The following ZSWIM6 variants were observed in gnomAD, a reference collection of about 807,000 sequenced individuals.
ZSWIM6 encodes the protein zinc finger SWIM-type containing 6.
A neutral mutation model predicts 113.2 loss-of-function variants in ZSWIM6; 9 were observed. The ratio of observed to expected loss-of-function variants is 0.08; its 90% CI spans 0.05 to 0.14. ZSWIM6 has a LOEUF of 0.14. Ranked by LOEUF, ZSWIM6 falls within the 10% of genes least tolerant of loss-of-function variation. The probability of loss-of-function intolerance (pLI) is 1.00; values close to 1 mark genes in which losing one functional copy is unlikely to be tolerated. For missense variants in ZSWIM6, 1,162 were observed against 1,552.2 expected (o/e 0.75, Z 4.22); for synonymous variants, 611 against 606.5 (o/e 1.01, Z -0.11).
rs1744274423 is a variant in ZSWIM6, at chr5:61,332,485, C to T, written c.213C>T (p.Thr71=). The change falls in exon 1 of 14, where the codon ACC becomes ACT. Residue 71 remains threonine (T), a synonymous_variant. Coordinates refer to ENST00000252744, the MANE Select transcript of ZSWIM6 (RefSeq NM_020928.2). ...TGGGGTTGCTGCCGCCGGGCAAGAC[C>T]CAGAGCCCCGAGTCGCTGCTGGACA... ...AALGLLPPGK[T]QSPESLLDIA... 4.1e-6 allele frequency: 5 copies of T among 1,232,908 alleles called. No homozygotes were observed. Among genetic ancestry groups the T allele is most frequent in the South Asian group, 3.0e-5 (2 of 66,718 alleles). The allele number at this position is 1,232,908 out of a possible 1,614,324, so 76.4% of individuals were successfully genotyped here.
chr5:61,354,423 A>G (rs987838999), intron 1 of ZSWIM6, among the ~76,000 whole-genome samples: 14 of 152,210 alleles, frequency 9.2e-5, no homozygotes, highest in Non-Finnish European at 1.0e-4. Context: ...TGACCAAGTT[A>G]TAGGATGAAT....
At chr5:61,375,055 G>T in intron 1 of ZSWIM6, 2 of 1,488,812 alleles carry the variant, frequency 1.3e-6, no homozygotes, top group Non-Finnish European at 1.9e-6. Flanking sequence ...ATATTAAAGG[G>T]TAAGTCTCTC....
At chr5:61,484,884 GTGTGGC>G (rs1436973835) in intron 2 of ZSWIM6, among the ~76,000 whole-genome samples, 2 of 152,186 alleles carry the variant, frequency 1.3e-5, no homozygotes, top group African/African-American at 4.8e-5. Flanking sequence ...GGATTTAGCA[GTGTGGC>G]TGTGTACAAG....
chr5:61,368,411 C>T (rs1234483233), intron 1 of ZSWIM6, among the ~76,000 whole-genome samples: 1 of 152,088 alleles, frequency 6.6e-6, no homozygotes, highest in East Asian at 1.9e-4. Context: ...AGGACTACTG[C>T]CAAATGACTA....
intron 4 of ZSWIM6, among the ~76,000 whole-genome samples, chr5:61,510,900 C>G (rs1318752251): frequency 6.6e-6 from 1 of 152,010 alleles, no homozygotes; most frequent in African/African-American, 2.4e-5. Flanking sequence ...TGGGCCGAGT[C>G]CTTAAAGGGT....
At chr5:61,414,841 T>C (rs953964337) in intron 1 of ZSWIM6, among the ~76,000 whole-genome samples, 5 of 152,214 alleles carry the variant, frequency 3.3e-5, no homozygotes, top group African/African-American at 9.7e-5. Flanking sequence ...ACTTTTTAGG[T>C]TATTTTTCCT....
chr5:61,421,892 A>G (rs1232387874), intron 1 of ZSWIM6, among the ~76,000 whole-genome samples: 1 of 152,042 alleles, frequency 6.6e-6, no homozygotes, highest in East Asian at 1.9e-4. Context: ...AATGTTGCCC[A>G]TTTTTTAATC....
intron 1 of ZSWIM6, among the ~76,000 whole-genome samples, chr5:61,455,287 A>G (rs941659375): frequency 1.3e-5 from 2 of 152,122 alleles, no homozygotes; most frequent in African/African-American, 4.8e-5. Flanking sequence ...AAACTTGAAA[A>G]AGTCCATTCA....
chr5:61,511,778 G>T (rs770115245), intron 4 of ZSWIM6, among the ~76,000 whole-genome samples: 36 of 152,062 alleles, frequency 2.4e-4, no homozygotes, highest in Non-Finnish European at 5.0e-4. Flanking sequence ...TGTTATAGCA[G>T]CCTAAATAGA....
intron 1 of ZSWIM6, among the ~76,000 whole-genome samples, chr5:61,415,407 A>G (rs1746226869): frequency 2.6e-5 from 4 of 152,174 alleles, no homozygotes; most frequent in African/African-American, 9.7e-5. Context: ...ATCCTGGCCA[A>G]CATATTGAAA....
intron 1 of ZSWIM6, among the ~76,000 whole-genome samples, chr5:61,366,915 G>T (rs370478974): frequency 7.0e-6 from 1 of 142,148 alleles, no homozygotes; most frequent in African/African-American, 2.6e-5. Context: ...GTGACAGAGC[G>T]ATCTGCTGTC....
In ZSWIM6 at chr5:61,332,334, G is replaced by GCGC; in HGVS notation, c.64_65insCCG (p.Gly21_Gly22insAla). 9.4e-7 allele frequency: 1 copy of GCGC among 1,065,752 alleles called. No individual in the cohort carries two copies. Among genetic ancestry groups the GCGC allele is most frequent in the Non-Finnish European group, 1.2e-6 (1 of 866,108 alleles). 66.0% of individuals were successfully genotyped at this position (1,065,752 alleles called of 1,614,324 possible). On this transcript the variant is annotated inframe_insertion, in exon 1 of 14. Transcript: ENST00000252744. ...CGGCTTTGCTGCCGGCCGGGCGGCGGCGGCGGCGGCGGGGGCAGCAGCGGC... is the reference window on the plus strand; with the variant it reads ...CGGCTTTGCTGCCGGCCGGGCGGCGGCGCCGGCGGCGGCGGGGGCAGCAGCGGC...
chr5:61,402,928 A>G (rs1275079878), intron 1 of ZSWIM6, among the ~76,000 whole-genome samples: 2 of 152,246 alleles, frequency 1.3e-5, no homozygotes, highest in African/African-American at 4.8e-5. Flanking sequence ...CTAATTGCTA[A>G]TGATTTGCAC....
At chr5:61,376,044 T>C (rs1228588660) in intron 1 of ZSWIM6, among the ~76,000 whole-genome samples, 1 of 95,850 alleles carries the variant, frequency 1.0e-5, no homozygotes, top group East Asian at 2.7e-4. Context: ...TGCTTGAACA[T>C]CTATTTTTTT....
At position 61,512,159 on chromosome 5, in the gene ZSWIM6, G is replaced by C. The variant is rs541024799; in HGVS notation, c.1334-9104G>C. Reference sequence around the variant, plus strand: ...CCCAGTCCCTAGCAACCACTGATCTGTTCTCAGTCCCTTTAGTTTCGCCAT... The same window carrying C: ...CCCAGTCCCTAGCAACCACTGATCTCTTCTCAGTCCCTTTAGTTTCGCCAT... On this transcript the variant is annotated intron_variant, in intron 4 of 13. Transcript: ENST00000252744. Among the ~76,000 whole-genome samples the C allele has an allele frequency of 5.9e-5, 9 of 152,198 alleles. No homozygotes were observed. The South Asian group carries it at 1.5e-3, about 25-fold the overall frequency.
chr5:61,423,896 C>G (rs1298096277), intron 1 of ZSWIM6, among the ~76,000 whole-genome samples: 3 of 152,214 alleles, frequency 2.0e-5, no homozygotes, highest in Non-Finnish European at 4.4e-5. Flanking sequence ...TTTTATCCCT[C>G]AAAAGCCACC....
intron 2 of ZSWIM6, among the ~76,000 whole-genome samples, chr5:61,474,135 G>C (rs1325928716): frequency 6.6e-6 from 1 of 152,058 alleles, no homozygotes; most frequent in Non-Finnish European, 1.5e-5. Context: ...CCACTGCCTA[G>C]TTTTATAGTA....
intron 1 of ZSWIM6, among the ~76,000 whole-genome samples, chr5:61,458,371 A>G (rs1561245757): frequency 6.6e-6 from 1 of 152,214 alleles, no homozygotes; most frequent in South Asian, 2.1e-4. Flanking sequence ...AGAATCTATG[A>G]GGAGATCTGC....
intron 1 of ZSWIM6, among the ~76,000 whole-genome samples, chr5:61,418,829 A>G (rs978315757): frequency 9.9e-5 from 15 of 151,646 alleles, no homozygotes; most frequent in African/African-American, 3.4e-4. Flanking sequence ...ATAACTTACT[A>G]TTATTTTTTT....
Sources: gnomAD v4.1 joint callset for allele counts (sites outside exome capture counted in the v4.1 genomes callset) on GRCh38, gnomAD v4.1.1 for gene constraint, MANE v1.5 for transcripts, NCBI Gene and HGNC (gene_info 2026-07-23, HGNC 2026-07-21) for gene names.